The following PPP4R3B variants were observed in gnomAD, a reference collection of about 807,000 sequenced individuals.
PPP4R3B encodes the protein serine/threonine-protein phosphatase 4 regulatory subunit 3B.
In PPP4R3B, 52 loss-of-function variants were observed where a neutral mutation model predicts 95.4. That is an observed-to-expected ratio of 0.54 (90% CI 0.44 to 0.69). PPP4R3B has a LOEUF of 0.69. Ranked by LOEUF, PPP4R3B falls within the 30% of genes least tolerant of loss-of-function variation. The probability of loss-of-function intolerance (pLI) is 0.00; values close to 1 mark genes in which losing one functional copy is unlikely to be tolerated. For missense variants in PPP4R3B, 1,003 were observed against 1,005.9 expected, an observed-to-expected ratio of 1.00 and a Z score of 0.04; for synonymous variants, 407 against 343.9, an observed-to-expected ratio of 1.18 and a Z score of -2.03.
intron 15 of PPP4R3B, among the ~76,000 whole-genome samples, chr2:55,560,954 C>T (rs1447648221): frequency 6.6e-6 from 1 of 152,120 alleles, no homozygotes; most frequent in African/African-American, 2.4e-5. Flanking sequence ...AAAGAAAACC[C>T]CATTTTCTGG....
chr2:55,576,717 G>A (rs938096609), intron 11 of PPP4R3B, among the ~76,000 whole-genome samples: 1 of 152,154 alleles, frequency 6.6e-6, no homozygotes, highest in Non-Finnish European at 1.5e-5. Context: ...AAATAAAAAA[G>A]AAAAACAATG....
chr2:55,554,188 C>A (rs1449036538), intron 16 of PPP4R3B, among the ~76,000 whole-genome samples: 1 of 152,184 alleles, frequency 6.6e-6, no homozygotes, highest in East Asian at 1.9e-4. Context: ...CCTCAGCCTC[C>A]CGAATAGCTG....
chr2:55,616,031 C>T (rs192562277), intron 1 of PPP4R3B, among the ~76,000 whole-genome samples: 1 of 151,424 alleles, frequency 6.6e-6, no homozygotes, highest in East Asian at 1.9e-4. Context: ...TATTCCCATA[C>T]ACCCTTAAAG....
Position 55,617,382 on chromosome 2 carries a change from G to A in PPP4R3B, c.-97C>T. The A allele has an allele frequency of 7.7e-7, 1 of 1,300,934 alleles. No individual in the cohort carries two copies. The highest frequency in any genetic ancestry group is 1.0e-6 in the Non-Finnish European group (1 of 999,380). 80.6% of individuals were successfully genotyped at this position (1,300,934 alleles called of 1,614,324 possible). ...GACGGTAAAGGCAGTAGTGGCGGTG[G>A]CGGCGGCGGCGGCTTCGGAGAGGCC... On this transcript the variant is annotated 5_prime_UTR_variant, in exon 1 of 17. Coordinates refer to ENST00000616407, the MANE Select transcript of PPP4R3B (RefSeq NM_001122964.3).
At chr2:55,571,044 T>G (rs1351827394) in intron 12 of PPP4R3B, among the ~76,000 whole-genome samples, 1 of 152,134 alleles carries the variant, frequency 6.6e-6, no homozygotes, top group Non-Finnish European at 1.5e-5. Context: ...GGTGCAGCGG[T>G]TCACACCTGT....
At chr2:55,593,994 A>G (rs1691403172) in intron 4 of PPP4R3B, among the ~76,000 whole-genome samples, 3 of 152,228 alleles carry the variant, frequency 2.0e-5, no homozygotes, top group Admixed American at 2.0e-4. Context: ...TTAAAAAATA[A>G]TGAAATCATG....
At chr2:55,551,629 T>C (rs896618877) in intron 16 of PPP4R3B, among the ~76,000 whole-genome samples, 10 of 152,042 alleles carry the variant, frequency 6.6e-5, no homozygotes, top group African/African-American at 2.4e-4. Flanking sequence ...CGCATGCCTG[T>C]AATCCCAGCT....
intron 13 of PPP4R3B, among the ~76,000 whole-genome samples, chr2:55,566,117 A>AT (rs1190329405): frequency 6.6e-6 from 1 of 152,204 alleles, no homozygotes; most frequent in Non-Finnish European, 1.5e-5. Flanking sequence ...GACTTTACAG[A>AT]TAACACTACA....
intron 2 of PPP4R3B, among the ~76,000 whole-genome samples, chr2:55,607,542 C>T (rs762588368): frequency 4.6e-5 from 7 of 152,146 alleles, no homozygotes; most frequent in Non-Finnish European, 1.0e-4. Flanking sequence ...AGGTACAGAG[C>T]AAGGTATGGG....
chr2:55,592,453 A>G (rs1383712813), intron 4 of PPP4R3B, among the ~76,000 whole-genome samples: 1 of 152,230 alleles, frequency 6.6e-6, no homozygotes, highest in East Asian at 1.9e-4. Context: ...AAAATTTAAT[A>G]TATTAAATCC....
chr2:55,613,075 T>C (rs1694400768), intron 2 of PPP4R3B, among the ~76,000 whole-genome samples: 1 of 152,246 alleles, frequency 6.6e-6, no homozygotes. Flanking sequence ...CAAACCACTG[T>C]ACTCCAGCCT....
chr2:55,615,888 A>G (rs936953570), intron 1 of PPP4R3B, among the ~76,000 whole-genome samples: 1 of 109,308 alleles, frequency 9.1e-6, no homozygotes, highest in Admixed American at 1.0e-4. Flanking sequence ...AAAAATACAC[A>G]TTTAAACCCC....
At chr2:55,609,511 A>C (rs906797452) in intron 2 of PPP4R3B, among the ~76,000 whole-genome samples, 4 of 152,038 alleles carry the variant, frequency 2.6e-5, no homozygotes, top group Admixed American at 6.6e-5. Context: ...GCATAATCCC[A>C]TATCTACAAA....
chr2:55,597,717 C>T (rs1691993881), intron 4 of PPP4R3B, among the ~76,000 whole-genome samples: 1 of 152,162 alleles, frequency 6.6e-6, no homozygotes. Flanking sequence ...AGGAGAATCA[C>T]TTGAACCCAG....
chr2:55,549,819 T>G lies in PPP4R3B; in HGVS notation c.*92A>C. On this transcript the variant is annotated 3_prime_UTR_variant, in exon 17 of 17. Transcript: ENST00000616407. ...GCTACTCCTTGTATATTTTATAAGT[T>G]CAATTGAGAAAGCTTTCTGATTCAG... The G allele has an allele frequency of 1.1e-6, 1 of 948,906 alleles. No homozygotes were observed. The highest frequency in any genetic ancestry group is 1.3e-5 in the South Asian group (1 of 75,104). The allele number at this position is 948,906 out of a possible 1,614,324, so 58.8% of individuals were successfully genotyped here.
At chr2:55,557,193 A>G (rs1685964629) in intron 16 of PPP4R3B, among the ~76,000 whole-genome samples, 1 of 152,158 alleles carries the variant, frequency 6.6e-6, no homozygotes, top group African/African-American at 2.4e-5. Context: ...ATACAACCCT[A>G]TGGCAAATAT....
intron 5 of PPP4R3B, 64 bp from the exon 6 acceptor site, chr2:55,586,798 C>G: frequency 1.1e-6 from 1 of 940,890 alleles, no homozygotes; most frequent in Non-Finnish European, 1.7e-6. Context: ...CTATAGTAAT[C>G]ATCTACCATG....
intron 2 of PPP4R3B, 61 bp downstream of exon 2, chr2:55,615,390 A>G: frequency 2.5e-6 from 3 of 1,201,720 alleles, no homozygotes; most frequent in Non-Finnish European, 2.4e-6. Context: ...CACCTTTGTC[A>G]GATTAATACT....
rs1278908593 is a variant in PPP4R3B at position 55,549,032 on chromosome 2, T to C, written c.*879A>G. 5 of 152,500 alleles carry C rather than the reference T, an allele frequency of 3.3e-5. No homozygotes were observed. Among genetic ancestry groups the C allele is most frequent in the Admixed American group, 3.3e-4 (5 of 15,286 alleles). 9.4% of individuals were successfully genotyped at this position (152,500 alleles called of 1,614,324 possible). On this transcript the variant is annotated 3_prime_UTR_variant, in exon 17 of 17. Transcript: ENST00000616407. ...CAGCACTATTCTTGGTTGGTCTGTA[T>C]AAGTAACACTTTAAAACTTGCAGCT...
Sources: allele counts gnomAD v4.1 joint callset (sites outside exome capture counted in the v4.1 genomes callset), GRCh38; gene constraint gnomAD v4.1.1; transcripts MANE v1.5; gene names NCBI Gene and HGNC (gene_info 2026-07-23, HGNC 2026-07-21).